Variants in PCDHGB6 observed in about 807,000 individuals in gnomAD.
PCDHGB6 encodes the protein protocadherin gamma subfamily B, 6, also known as protocadherin gamma-B6.
A neutral mutation model predicts 59.1 loss-of-function variants in PCDHGB6; 51 were observed. That is an observed-to-expected ratio of 0.86 (90% CI 0.69 to 1.09). PCDHGB6 has a LOEUF of 1.09. PCDHGB6 is among the 50% of genes least tolerant of loss of function. The probability of loss-of-function intolerance (pLI) is 0.00; values close to 1 mark genes in which losing one functional copy is unlikely to be tolerated. For synonymous variants in PCDHGB6, 466 were observed against 495.1 expected, an observed-to-expected ratio of 0.94 and a Z score of 0.78; for missense variants, 1,148 against 1,205.1, an observed-to-expected ratio of 0.95 and a Z score of 0.70.
At position 141,491,969 on chromosome 5, in the gene PCDHGB6, C is replaced by A; in HGVS notation, c.2419-2838C>A. ...CCCCTACACTCAAAAAAGGCCGGGGCCTCCTTCGAGCTTCCGGTGAATTTC... is the reference window on the plus strand; with the variant it reads ...CCCCTACACTCAAAAAAGGCCGGGGACTCCTTCGAGCTTCCGGTGAATTTC... On this transcript the variant is annotated intron_variant, in intron 1 of 3. Coordinates refer to ENST00000520790, the MANE Select transcript of PCDHGB6 (RefSeq NM_018926.3). The surrounding 1 kb of genome is among the most constrained non-coding windows in gnomAD (Gnocchi z 6.9). 1 of 898,714 alleles carries A rather than the reference C, an allele frequency of 1.1e-6. No individual in the cohort carries two copies. Among genetic ancestry groups the A allele is most frequent in the Non-Finnish European group, 1.6e-6 (1 of 629,384 alleles). 55.7% of individuals were successfully genotyped at this position (898,714 alleles called of 1,614,324 possible). A position where few individuals can be genotyped will look rare whatever the true frequency, so the allele number is the denominator to read the frequency against.
chr5:141,501,017 C>T (rs1383853662), intron 2 of PCDHGB6, among the ~76,000 whole-genome samples: 5 of 151,866 alleles, frequency 3.3e-5, no homozygotes, highest in African/African-American at 7.3e-5. Flanking sequence ...TACAGGCACG[C>T]GCCACCACGC....
intron 1 of PCDHGB6, among the ~76,000 whole-genome samples, chr5:141,446,107 T>C (rs1031524158): frequency 6.6e-6 from 1 of 152,130 alleles, no homozygotes; most frequent in Admixed American, 6.5e-5. Flanking sequence ...TATAGATATA[T>C]TTAGGAAATG....
intron 1 of PCDHGB6, chr5:141,413,532 A>C (rs1269070438): frequency 9.9e-6 from 16 of 1,613,788 alleles, no homozygotes; most frequent in Non-Finnish European, 1.2e-5. Context: ...ACAGGGTGAA[A>C]CTTTTTGGGA....
chr5:141,470,369 T>C (rs751264270), intron 1 of PCDHGB6, among the ~76,000 whole-genome samples: 2 of 152,226 alleles, frequency 1.3e-5, no homozygotes, highest in Non-Finnish European at 1.5e-5. Context: ...TTAGGTTGAA[T>C]GGAAAGACTA....
In PCDHGB6 at chr5:141,485,956, C is replaced by T. The variant is rs1430530851; in HGVS notation, c.2419-8851C>T. 1 of 1,614,150 alleles carries T rather than the reference C, an allele frequency of 6.2e-7. No individual in the cohort carries two copies. Among genetic ancestry groups the T allele is most frequent in the South Asian group, 1.1e-5 (1 of 91,074 alleles). ...AGAGCGCACCAGCGGGCATGGTGCT[C>T]ATCCAGCTCAATGCCTCAGACCCGG... On this transcript the variant is annotated intron_variant, in intron 1 of 3. Coordinates refer to ENST00000520790, the MANE Select transcript of PCDHGB6 (RefSeq NM_018926.3). This position sits in a 1 kb window ranked among gnomAD's most constrained non-coding sequence, Gnocchi z 5.7.
At chr5:141,483,207 A>G (rs1225621725) in intron 1 of PCDHGB6, among the ~76,000 whole-genome samples, 1 of 152,224 alleles carries the variant, frequency 6.6e-6, no homozygotes, top group African/African-American at 2.4e-5. Context: ...TATTCCATAT[A>G]GATGACAGTC....
chr5:141,458,593 C>T (rs1352799952), intron 1 of PCDHGB6, among the ~76,000 whole-genome samples: 4 of 151,402 alleles, frequency 2.6e-5, no homozygotes, highest in Non-Finnish European at 5.9e-5. Flanking sequence ...GTTTTGGAGA[C>T]GAGTCTCACT....
At position 141,491,910 on chromosome 5, in the gene PCDHGB6, G is replaced by T. The variant is rs946745903; in HGVS notation, c.2419-2897G>T. On this transcript the variant is annotated intron_variant, in intron 1 of 3. Coordinates refer to ENST00000520790, the MANE Select transcript of PCDHGB6 (RefSeq NM_018926.3). This position sits in a 1 kb window ranked among gnomAD's most constrained non-coding sequence, Gnocchi z 6.9. ...GGCTCCGAGCACCGGGGGTGGTGGC[G>T]ACTGTGGGCGAGGGGAGGTGGGACC... 3.6e-6 allele frequency: 5 copies of T among 1,406,946 alleles called. No individual in the cohort carries two copies. Among genetic ancestry groups the T allele is most frequent in the Non-Finnish European group, 4.7e-6 (5 of 1,059,702 alleles). 87.2% of individuals were successfully genotyped at this position (1,406,946 alleles called of 1,614,324 possible).
rs369794418 is a variant in PCDHGB6, at chr5:141,497,143, G to A, written c.2477+2278G>A. Among the ~76,000 whole-genome samples the A allele has an allele frequency of 7.3e-5, 11 of 150,108 alleles. No individual in the cohort carries two copies. In the East Asian group the frequency reaches 1.6e-3, roughly 21 times the overall value. On this transcript the variant is annotated intron_variant, in intron 2 of 3. Coordinates refer to ENST00000520790, the MANE Select transcript of PCDHGB6 (RefSeq NM_018926.3). ...AGAGGTTGCAGTGAGCTGAGATCAC[G>A]AAAAAAAAATAATCTAGCCACAAAT...
At chr5:141,436,910 TGTGA>T (rs1332506247) in intron 1 of PCDHGB6, among the ~76,000 whole-genome samples, 1 of 152,228 alleles carries the variant, frequency 6.6e-6, no homozygotes, top group Non-Finnish European at 1.5e-5. Flanking sequence ...GAGACAATTT[TGTGA>T]GTGTTACTTT....
At chr5:141,464,411 A>G (rs1029342220) in intron 1 of PCDHGB6, among the ~76,000 whole-genome samples, 3 of 151,624 alleles carry the variant, frequency 2.0e-5, no homozygotes, top group Admixed American at 6.6e-5. Flanking sequence ...AGATATATAT[A>G]TATCTATATA....
At chr5:141,416,928 A>G (rs1297487387) in intron 1 of PCDHGB6, 4 of 152,170 alleles carry the variant, frequency 2.6e-5, no homozygotes, top group Non-Finnish European at 2.9e-5. Flanking sequence ...ATAGTTATTA[A>G]CTATTAAACC....
intron 1 of PCDHGB6, chr5:141,421,731 C>G (rs73792198): frequency 6.2e-7 from 1 of 1,613,742 alleles, no homozygotes; most frequent in Non-Finnish European, 8.5e-7. Flanking sequence ...TGAACTCCCT[C>G]CAGAGCTACC....
chr5:141,425,763 G>A (rs959881638), intron 1 of PCDHGB6, among the ~76,000 whole-genome samples: 3 of 152,164 alleles, frequency 2.0e-5, no homozygotes, highest in Non-Finnish European at 4.4e-5. Context: ...TCTACAACAG[G>A]AGAGAAGACT....
Position 141,433,359 on chromosome 5 carries a change from CTAT to C in PCDHGB6, c.2418+22740_2418+22742del, listed in dbSNP as rs2097588942. 4 of 228,708 alleles carry C rather than the reference CTAT, an allele frequency of 1.7e-5. No homozygotes were observed. In the African/African-American group the frequency reaches 3.4e-4, roughly 19 times the overall value. The allele number at this position is 228,708 out of a possible 1,614,324, so 14.2% of individuals were successfully genotyped here. ...CAGGTGCAAGCCACCTACTGTCTGC[CTAT>C]CTATCTATCTATCTATCTATCTATC... On this transcript the variant is annotated intron_variant, in intron 1 of 3. Coordinates refer to ENST00000520790, the MANE Select transcript of PCDHGB6 (RefSeq NM_018926.3).
Position 141,507,906 on chromosome 5 carries a change from G to A in PCDHGB6, c.2566+2425G>A, listed in dbSNP as rs2099864753. ...AGAGAGGTTCCTGAAGTCCAGCCCA[G>A]CCAGGCCTGTGGGGCTGCTGAGAGG... On this transcript the variant is annotated intron_variant, in intron 3 of 3. Coordinates refer to ENST00000520790, the MANE Select transcript of PCDHGB6 (RefSeq NM_018926.3). Among the ~76,000 whole-genome samples, 4 of 152,216 alleles carry A rather than the reference G, an allele frequency of 2.6e-5. No homozygotes were observed. The South Asian group carries it at 8.3e-4, about 32-fold the overall frequency.
rs1188870363 is a variant in PCDHGB6 at position 141,490,058 on chromosome 5, C to T, written c.2419-4749C>T. ...AATGCCACTGATCCAGACGAGGGCA[C>T]CAACGGCCAACTAGACTATTCTTTT... On this transcript the variant is annotated intron_variant, in intron 1 of 3. Coordinates refer to ENST00000520790, the MANE Select transcript of PCDHGB6 (RefSeq NM_018926.3). The surrounding 1 kb of genome is among the most constrained non-coding windows in gnomAD (Gnocchi z 5.4). The T allele has an allele frequency of 6.2e-7, 1 of 1,614,230 alleles. No individual in the cohort carries two copies. Among genetic ancestry groups the T allele is most frequent in the South Asian group, 1.1e-5 (1 of 91,084 alleles).
At position 141,431,368 on chromosome 5, in the gene PCDHGB6, A is replaced by G; in HGVS notation, c.2418+20748A>G. On this transcript the variant is annotated intron_variant, in intron 1 of 3. Coordinates refer to ENST00000520790, the MANE Select transcript of PCDHGB6 (RefSeq NM_018926.3). The surrounding 1 kb of genome is among the most constrained non-coding windows in gnomAD (Gnocchi z 4.8). ...TGCTGAAACGCGCCCTGGACCGCGA[A>G]GAAAAGGCTGCTCACCACCTGGTCC... 1.9e-6 allele frequency: 3 copies of G among 1,614,002 alleles called. No individual in the cohort carries two copies. The highest frequency in any genetic ancestry group is 2.5e-6 in the Non-Finnish European group (3 of 1,180,034).
chr5:141,477,747 C>A lies in PCDHGB6; in HGVS notation c.2419-17060C>A. ...ACAGCTCATATCAGCGATGGGGGCA[C>A]CCCGGTCCTAGCCACCAACATCAGC... On this transcript the variant is annotated intron_variant, in intron 1 of 3. Coordinates refer to ENST00000520790, the MANE Select transcript of PCDHGB6 (RefSeq NM_018926.3). The surrounding 1 kb of genome is among the most constrained non-coding windows in gnomAD (Gnocchi z 4.9). 1.9e-6 allele frequency: 3 copies of A among 1,613,840 alleles called. No individual in the cohort carries two copies. The highest frequency in any genetic ancestry group is 2.5e-6 in the Non-Finnish European group (3 of 1,180,044).
Sources: gnomAD v4.1 joint callset for allele counts (sites outside exome capture counted in the v4.1 genomes callset) on GRCh38, gnomAD v4.1.1 for gene constraint, Gnocchi (gnomAD v3.1) non-coding constraint, MANE v1.5 for transcripts, NCBI Gene and HGNC (gene_info 2026-07-23, HGNC 2026-07-21) for gene names.